The following TAFA5 variants were observed in gnomAD, a reference collection of about 807,000 sequenced individuals.
TAFA5 encodes the protein chemokine-like protein TAFA-5.
A neutral mutation model predicts 15.3 loss-of-function variants in TAFA5; 6 were observed. The ratio of observed to expected loss-of-function variants is 0.39; its 90% CI spans 0.21 to 0.77. TAFA5 has a LOEUF of 0.77. Among genes scored for constraint, TAFA5 ranks in the 30% least tolerant of loss-of-function variants. TAFA5 has a pLI of 0.41. For synonymous variants in TAFA5, 103 were observed against 80.7 expected (o/e 1.28, Z -1.48); for missense variants, 161 against 193.1 (o/e 0.83, Z 0.98).
At chr22:48,497,336 C>T (rs930661849) in intron 1 of TAFA5, among the ~76,000 whole-genome samples, 1 of 152,216 alleles carries the variant, frequency 6.6e-6, no homozygotes, top group South Asian at 2.1e-4. Flanking sequence ...GCTCCGCAGC[C>T]TCGCTGCTGG....
chr22:48,648,384 G>A (rs148522322), intron 2 of TAFA5, among the ~76,000 whole-genome samples: 3 of 152,304 alleles, frequency 2.0e-5, no homozygotes, highest in Admixed American at 6.5e-5. Context: ...CCTGACGTGG[G>A]CAGCCTTGCC....
intron 3 of TAFA5, among the ~76,000 whole-genome samples, chr22:48,727,961 AG>A (rs1929759378): frequency 2.0e-5 from 3 of 152,238 alleles, no homozygotes; most frequent in African/African-American, 7.2e-5. Context: ...TTATATGATC[AG>A]AAACAATTTT....
chr22:48,490,703 G>A lies in TAFA5; in HGVS notation c.112+999G>A, dbSNP rs1487669767. ...CTTCTTGTCTTCAGCGGGAGAATAG[G>A]ACGGGTGCTGGGGAGCACCTGTCAT... On this transcript the variant is annotated intron_variant, in intron 1 of 3. Coordinates refer to ENST00000402357, the MANE Select transcript of TAFA5 (RefSeq NM_001082967.3). The surrounding 1 kb of genome is among the most constrained non-coding windows in gnomAD (Gnocchi z 5.8). Among the ~76,000 whole-genome samples, 3 of 151,406 alleles carry A rather than the reference G, an allele frequency of 2.0e-5. No homozygotes were observed. The highest frequency in any genetic ancestry group is 7.3e-5 in the African/African-American group (3 of 41,142).
At chr22:48,692,291 C>A (rs1175540797) in intron 2 of TAFA5, among the ~76,000 whole-genome samples, 1 of 152,172 alleles carries the variant, frequency 6.6e-6, no homozygotes, top group African/African-American at 2.4e-5. Context: ...GTCAGGGGTC[C>A]GCTGCAGCCC....
At chr22:48,679,604 G>A (rs866859895) in intron 2 of TAFA5, among the ~76,000 whole-genome samples, 1 of 20,486 alleles carries the variant, frequency 4.9e-5, no homozygotes, top group Non-Finnish European at 8.1e-5. Context: ...ATCCCTCTCC[G>A]GGCTCCCCGT....
intron 1 of TAFA5, among the ~76,000 whole-genome samples, chr22:48,620,670 A>C (rs201302339): frequency 4.0e-3 from 14 of 3,544 alleles, no homozygotes; most frequent in Admixed American, 8.5e-3. Flanking sequence ...TCCATCCACC[A>C]CCCCCACATC....
intron 3 of TAFA5, among the ~76,000 whole-genome samples, chr22:48,721,433 G>C (rs1042217641): frequency 6.6e-6 from 1 of 152,214 alleles, no homozygotes; most frequent in Non-Finnish European, 1.5e-5. Context: ...CACCAGAGCC[G>C]TTGGAACCGG....
At chr22:48,578,873 G>C (rs1030878863) in intron 1 of TAFA5, among the ~76,000 whole-genome samples, 4 of 152,172 alleles carry the variant, frequency 2.6e-5, no homozygotes, top group Non-Finnish European at 5.9e-5. Flanking sequence ...GGGGGTGGCC[G>C]ACTCTGGTTC....
intron 2 of TAFA5, among the ~76,000 whole-genome samples, chr22:48,683,371 G>T (rs1928255918): frequency 6.6e-6 from 1 of 152,264 alleles, no homozygotes; most frequent in African/African-American, 2.4e-5. Context: ...TACGGCACTT[G>T]CTGGGCACTG....
chr22:48,586,332 T>C (rs982209158), intron 1 of TAFA5, among the ~76,000 whole-genome samples: 5 of 152,082 alleles, frequency 3.3e-5, no homozygotes, highest in Non-Finnish European at 5.9e-5. Context: ...GGTCTTGTGC[T>C]CCTCCCAAGG....
chr22:48,576,531 C>T, intron 1 of TAFA5: 1 of 1,515,086 alleles, frequency 6.6e-7, no homozygotes, highest in Non-Finnish European at 8.9e-7. Context: ...CGCTCTGCTG[C>T]TTCCTCGTCC....
intron 1 of TAFA5, among the ~76,000 whole-genome samples, chr22:48,583,762 G>A (rs988418259): frequency 3.6e-4 from 3 of 8,234 alleles, no homozygotes; most frequent in South Asian, 4.0e-3. Flanking sequence ...CACAGTACAC[G>A]CCACAGAAAA....
chr22:48,519,307 G>A (rs372601805), intron 1 of TAFA5, among the ~76,000 whole-genome samples: 48 of 152,354 alleles, frequency 3.2e-4, no homozygotes, highest in African/African-American at 1.1e-3. Flanking sequence ...TCTTCCCTTT[G>A]AGGACCTTTC....
chr22:48,576,045 C>G (rs1207535695), intron 1 of TAFA5, among the ~76,000 whole-genome samples: 1 of 109,440 alleles, frequency 9.1e-6, no homozygotes, highest in Non-Finnish European at 1.9e-5. Flanking sequence ...CCGGACCCCC[C>G]CCCCCCCCGC....
intron 1 of TAFA5, among the ~76,000 whole-genome samples, chr22:48,590,964 G>A (rs34082238): frequency 0.097 from 14,671 of 151,640 alleles, 965 homozygotes; most frequent in South Asian, 0.19. Context: ...CAGTTCTCCC[G>A]CCTCAGCCTC....
At chr22:48,737,274 C>T (rs1334480394) in intron 3 of TAFA5, among the ~76,000 whole-genome samples, 10 of 152,346 alleles carry the variant, frequency 6.6e-5, no homozygotes, top group African/African-American at 2.2e-4. Flanking sequence ...AACCTGAGAA[C>T]GTGGCTGGGC....
chr22:48,710,696 G>A (rs1275451845), intron 3 of TAFA5, among the ~76,000 whole-genome samples: 1 of 152,212 alleles, frequency 6.6e-6, no homozygotes, highest in Non-Finnish European at 1.5e-5. Flanking sequence ...GGGCATTTGA[G>A]GCAGAGGCTG....
At chr22:48,551,367 G>C (rs974367816) in intron 1 of TAFA5, among the ~76,000 whole-genome samples, 1 of 152,148 alleles carries the variant, frequency 6.6e-6, no homozygotes, top group Non-Finnish European at 1.5e-5. Context: ...TGCCAGCCCC[G>C]TCTAGCCCCA....
chr22:48,599,059 G>A lies in TAFA5; in HGVS notation c.113-47538G>A, dbSNP rs193204099. On this transcript the variant is annotated intron_variant, in intron 1 of 3. Transcript: ENST00000402357. ...CCCCCATGTCCTCTCTGGGCAAGCC[G>A]TCCTCCCAGCACCCTCCTGCGTTCA... Among the ~76,000 whole-genome samples, 147 of 152,284 alleles carry A rather than the reference G, an allele frequency of 9.7e-4. 2 individuals are homozygous for A. Among genetic ancestry groups the A allele is most frequent in the Admixed American group, 5.3e-3 (81 of 15,290 alleles).
Sources: allele counts gnomAD v4.1 joint callset (sites outside exome capture counted in the v4.1 genomes callset), GRCh38; gene constraint gnomAD v4.1.1; non-coding constraint Gnocchi (gnomAD v3.1); transcripts MANE v1.5; gene names NCBI Gene and HGNC (gene_info 2026-07-23, HGNC 2026-07-21).